Variants in UNC5D observed in about 807,000 individuals in gnomAD.
UNC5D encodes unc-5 netrin receptor D.
A neutral mutation model predicts 105.4 loss-of-function variants in UNC5D; 39 were observed. That is an observed-to-expected ratio of 0.37 (90% CI 0.29 to 0.48). UNC5D has a LOEUF of 0.48. Ranked by LOEUF, UNC5D falls within the 20% of genes least tolerant of loss-of-function variation. UNC5D has a pLI of 0.98. For missense variants in UNC5D, 991 were observed against 1,202.4 expected (o/e 0.82, Z 2.60); for synonymous variants, 452 against 450.4 (o/e 1.00, Z -0.04).
chr8:35,308,416 C>T (rs1209816361), intron 1 of UNC5D, among the ~76,000 whole-genome samples: 1 of 152,056 alleles, frequency 6.6e-6, no homozygotes, highest in African/African-American at 2.4e-5. Context: ...TAACCACTAC[C>T]CCAGGGAAGT....
chr8:35,334,734 G>A (rs978016357), intron 1 of UNC5D, among the ~76,000 whole-genome samples: 4 of 151,984 alleles, frequency 2.6e-5, no homozygotes, highest in East Asian at 3.9e-4. Context: ...GGATGGTCTC[G>A]AACTCCTGAC....
chr8:35,611,974 G>A lies in UNC5D; in HGVS notation c.570+16317G>A, dbSNP rs534418792. ...TGTTGGCTGTAAAATGGTTATCGCT[G>A]TTAATACAGCCTGTAAATCTTAACA... On this transcript the variant is annotated intron_variant, in intron 4 of 16. Coordinates refer to ENST00000404895, the MANE Select transcript of UNC5D (RefSeq NM_080872.4). 1.6e-4 allele frequency among the ~76,000 whole-genome samples: 24 copies of A among 152,294 alleles called. 1 individual carries two copies. In the East Asian group the frequency reaches 4.6e-3, roughly 29 times the overall value.
intron 1 of UNC5D, among the ~76,000 whole-genome samples, chr8:35,362,458 C>A (rs1180197392): frequency 1.3e-5 from 2 of 152,130 alleles, no homozygotes; most frequent in African/African-American, 4.8e-5. Flanking sequence ...CCATATTTAG[C>A]TTTCTGTGAG....
At chr8:35,360,700 G>A (rs1445963890) in intron 1 of UNC5D, among the ~76,000 whole-genome samples, 1 of 152,178 alleles carries the variant, frequency 6.6e-6, no homozygotes, top group Non-Finnish European at 1.5e-5. Flanking sequence ...TGCTGTGTGA[G>A]TACATATTTT....
intron 1 of UNC5D, among the ~76,000 whole-genome samples, chr8:35,321,979 T>C (rs959966567): frequency 5.9e-5 from 9 of 152,170 alleles, no homozygotes; most frequent in African/African-American, 1.7e-4. Flanking sequence ...ACAGTACCCA[T>C]TTCATGGTTT....
intron 4 of UNC5D, among the ~76,000 whole-genome samples, chr8:35,620,198 C>A (rs1336873307): frequency 2.0e-5 from 3 of 152,206 alleles, no homozygotes; most frequent in African/African-American, 7.2e-5. Flanking sequence ...GTACTTGATC[C>A]ACATTCTCCC....
At chr8:35,427,773 AAAATCCTCAATGTG>A (rs1240584937) in intron 1 of UNC5D, among the ~76,000 whole-genome samples, 1 of 152,192 alleles carries the variant, frequency 6.6e-6, no homozygotes, top group Non-Finnish European at 1.5e-5. Context: ...GTCCTCACTC[AAAATCCTCAATGTG>A]AAATCAGTAT....
At chr8:35,533,540 G>T (rs1014422917) in intron 1 of UNC5D, among the ~76,000 whole-genome samples, 1 of 152,226 alleles carries the variant, frequency 6.6e-6, no homozygotes, top group African/African-American at 2.4e-5. Context: ...GCCTACAGAG[G>T]CAGGCAGGCC....
At chr8:35,473,460 A>G (rs1180167832) in intron 1 of UNC5D, among the ~76,000 whole-genome samples, 1 of 152,132 alleles carries the variant, frequency 6.6e-6, no homozygotes, top group Non-Finnish European at 1.5e-5. Flanking sequence ...TCCCTCACAC[A>G]CTTTTTTCTC....
At chr8:35,766,864 G>C (rs1248230872) in intron 14 of UNC5D, 38 bp from the exon 15 acceptor site, 1 of 1,583,628 alleles carries the variant, frequency 6.3e-7, no homozygotes, top group African/African-American at 1.3e-5. Flanking sequence ...TCTCAGCCAG[G>C]CTCTGCACAC....
At chr8:35,238,523 TAA>T (rs1364967554) in intron 1 of UNC5D, among the ~76,000 whole-genome samples, 1 of 152,214 alleles carries the variant, frequency 6.6e-6, no homozygotes, top group African/African-American at 2.4e-5. Flanking sequence ...GGAGGTTGTT[TAA>T]AAGTTATTCA....
At chr8:35,268,834 G>C (rs998279841) in intron 1 of UNC5D, among the ~76,000 whole-genome samples, 1 of 151,918 alleles carries the variant, frequency 6.6e-6, no homozygotes, top group African/African-American at 2.4e-5. Flanking sequence ...TCTTATGCAG[G>C]GTCCCTACAT....
chr8:35,678,583 T>TA (rs1340095570), intron 4 of UNC5D, among the ~76,000 whole-genome samples: 1 of 152,208 alleles, frequency 6.6e-6, no homozygotes, highest in Admixed American at 6.5e-5. Flanking sequence ...TAAGCATACA[T>TA]ATGTTTATTA....
chr8:35,492,022 A>G (rs763033420), intron 1 of UNC5D, among the ~76,000 whole-genome samples: 3 of 152,046 alleles, frequency 2.0e-5, no homozygotes, highest in African/African-American at 4.8e-5. Context: ...GCAGTTCTCC[A>G]TAAGTGATAG....
At chr8:35,304,875 C>T (rs1353500932) in intron 1 of UNC5D, among the ~76,000 whole-genome samples, 6 of 152,062 alleles carry the variant, frequency 3.9e-5, no homozygotes, top group Admixed American at 2.6e-4. Context: ...AAATAAATTA[C>T]TTTTGCATGC....
intron 1 of UNC5D, among the ~76,000 whole-genome samples, chr8:35,270,490 C>A (rs1399304981): frequency 3.3e-5 from 5 of 152,108 alleles, no homozygotes; most frequent in Non-Finnish European, 7.4e-5. Context: ...ATTTTTAACC[C>A]TAGTTACCCA....
chr8:35,719,477 T>C (rs11995471), intron 8 of UNC5D, among the ~76,000 whole-genome samples: 5,944 of 152,186 alleles, frequency 0.039, 281 homozygotes, highest in African/African-American at 0.11. Context: ...TGTAGAAGAA[T>C]GTGAGCTGTG....
chr8:35,551,672 G>C (rs776136857), intron 2 of UNC5D, among the ~76,000 whole-genome samples: 1 of 152,044 alleles, frequency 6.6e-6, no homozygotes, highest in East Asian at 1.9e-4. Context: ...ACAAAAATTA[G>C]CCAGGGTTGG....
intron 1 of UNC5D, among the ~76,000 whole-genome samples, chr8:35,331,357 T>G (rs1810616434): frequency 6.6e-6 from 1 of 152,092 alleles, no homozygotes. Context: ...CTGGGCTTAG[T>G]GAAATTAATA....
Sources: allele counts gnomAD v4.1 joint callset (sites outside exome capture counted in the v4.1 genomes callset), GRCh38; gene constraint gnomAD v4.1.1; transcripts MANE v1.5; gene names NCBI Gene and HGNC (gene_info 2026-07-23, HGNC 2026-07-21).